The following CLSTN2 variants were observed in gnomAD, a reference collection of about 807,000 sequenced individuals.
The protein encoded by CLSTN2 is calsyntenin 2.
CLSTN2 carries 48 observed loss-of-function variants against 101.2 expected under a neutral mutation model. The observed-to-expected ratio is 0.47, with a 90% CI of 0.38 to 0.60. CLSTN2 has a LOEUF of 0.60. CLSTN2 is among the 20% of genes least tolerant of loss of function. The probability of loss-of-function intolerance (pLI) is 0.00; values close to 1 mark genes in which losing one functional copy is unlikely to be tolerated. For synonymous variants in CLSTN2, 481 were observed against 463.6 expected (o/e 1.04, Z -0.48); for missense variants, 1,160 against 1,238.2 (o/e 0.94, Z 0.95).
chr3:140,025,215 A>G (rs988308457), intron 1 of CLSTN2, among the ~76,000 whole-genome samples: 2 of 152,208 alleles, frequency 1.3e-5, no homozygotes, highest in Non-Finnish European at 2.9e-5. Context: ...TGGATACATC[A>G]GAAATGTGCT....
intron 1 of CLSTN2, among the ~76,000 whole-genome samples, chr3:139,983,855 C>T (rs1303674865): frequency 1.3e-5 from 2 of 152,088 alleles, no homozygotes; most frequent in Non-Finnish European, 2.9e-5. Flanking sequence ...ATTAACTTTG[C>T]ATATTTGTAA....
Position 140,563,126 on chromosome 3 carries a change from A to G in CLSTN2, c.2405A>G (p.Asn802Ser), listed in dbSNP as rs202199344. The change falls in exon 15 of 17, where the codon AAT (asparagine) becomes AGT (serine). Residue 802 changes from asparagine (N) to serine (S), a missense_variant. Asn to Ser is a conservative substitution (Grantham distance 46, BLOSUM62 1). Coordinates refer to ENST00000458420, the MANE Select transcript of CLSTN2 (RefSeq NM_022131.3). ...CAAGTCTCAGATAAGGAGCATGTCAATCATCTGATTGTGCAGCCTCCCTTC... is the reference window on the plus strand; with the variant it reads ...CAAGTCTCAGATAAGGAGCATGTCAGTCATCTGATTGTGCAGCCTCCCTTC... ...EDQVSDKEHVNHLIVQPPFLQ... is the reference protein window; with the variant it reads ...EDQVSDKEHVSHLIVQPPFLQ... 1.1e-5 allele frequency: 18 copies of G among 1,614,050 alleles called. No individual in the cohort carries two copies. The highest frequency in any genetic ancestry group is 8.0e-5 in the African/African-American group (6 of 75,014).
At chr3:140,466,873 C>A in intron 8 of CLSTN2, 142 bp downstream of exon 8, 2 of 1,088,938 alleles carry the variant, frequency 1.8e-6, no homozygotes, top group Non-Finnish European at 2.6e-6. Flanking sequence ...GGGAGACACA[C>A]AGCATCTTAA....
At chr3:140,525,936 C>T (rs771500650) in intron 8 of CLSTN2, among the ~76,000 whole-genome samples, 1 of 152,042 alleles carries the variant, frequency 6.6e-6, no homozygotes, top group South Asian at 2.1e-4. Context: ...ATATTAAAGG[C>T]CATCTATGAC....
chr3:139,971,164 A>C (rs1051009269), intron 1 of CLSTN2, among the ~76,000 whole-genome samples: 13 of 152,338 alleles, frequency 8.5e-5, no homozygotes, highest in African/African-American at 3.1e-4. Flanking sequence ...GTACTGTTAA[A>C]TGAAATGCCT....
chr3:140,011,258 G>T lies in CLSTN2; in HGVS notation c.109+75775G>T, dbSNP rs1452387602. ...TTGTCTACATAATGACAAGTATTGT[G>T]GTATCAGAGTTAGGCCTGTCACACC... On this transcript the variant is annotated intron_variant, in intron 1 of 16. Transcript: ENST00000458420. 3.3e-5 allele frequency among the ~76,000 whole-genome samples: 5 copies of T among 152,146 alleles called. 1 individual carries two copies. In the South Asian group the frequency reaches 6.2e-4, roughly 19 times the overall value.
chr3:140,401,974 G>A (rs144428492), intron 2 of CLSTN2, among the ~76,000 whole-genome samples: 22 of 152,246 alleles, frequency 1.4e-4, no homozygotes, highest in South Asian at 8.3e-4. Flanking sequence ...TCCATAACCT[G>A]TCTTGTCCAT....
intron 1 of CLSTN2, among the ~76,000 whole-genome samples, chr3:140,101,945 T>C (rs2008973028): frequency 6.6e-6 from 1 of 152,184 alleles, no homozygotes; most frequent in Non-Finnish European, 1.5e-5. Flanking sequence ...AGTACAGGGA[T>C]GTTTGGGGAA....
intron 2 of CLSTN2, among the ~76,000 whole-genome samples, chr3:140,204,972 G>T (rs2010761235): frequency 1.3e-5 from 2 of 152,154 alleles, no homozygotes; most frequent in Non-Finnish European, 2.9e-5. Flanking sequence ...TTCTTGAGGG[G>T]CTCAAATATG....
At chr3:140,296,276 A>G (rs942917168) in intron 2 of CLSTN2, among the ~76,000 whole-genome samples, 4 of 152,204 alleles carry the variant, frequency 2.6e-5, no homozygotes, top group African/African-American at 7.2e-5. Flanking sequence ...CTGAAAACCA[A>G]CCCGTTGGAA....
chr3:140,488,703 T>C (rs1009113510), intron 8 of CLSTN2, among the ~76,000 whole-genome samples: 1 of 137,260 alleles, frequency 7.3e-6, no homozygotes, highest in Non-Finnish European at 1.5e-5. Flanking sequence ...GAGCAGGGAG[T>C]ATACTGGCGA....
At chr3:139,944,314 G>A (rs1188539544) in intron 1 of CLSTN2, among the ~76,000 whole-genome samples, 1 of 152,200 alleles carries the variant, frequency 6.6e-6, no homozygotes, top group Non-Finnish European at 1.5e-5. Context: ...GCAAAGTGGA[G>A]CCACTTGAGA....
At chr3:140,321,765 G>T (rs1375136105) in intron 2 of CLSTN2, among the ~76,000 whole-genome samples, 1 of 152,100 alleles carries the variant, frequency 6.6e-6, no homozygotes, top group Non-Finnish European at 1.5e-5. Flanking sequence ...TTATCAGATT[G>T]TCCTCTCTGA....
intron 6 of CLSTN2, among the ~76,000 whole-genome samples, chr3:140,457,120 C>T (rs1269597811): frequency 1.3e-5 from 2 of 152,172 alleles, no homozygotes; most frequent in Non-Finnish European, 2.9e-5. Flanking sequence ...TAGACCCCAC[C>T]CTGCTTCCCC....
intron 1 of CLSTN2, among the ~76,000 whole-genome samples, chr3:140,117,785 A>G (rs559622460): frequency 2.6e-5 from 4 of 152,310 alleles, no homozygotes; most frequent in Non-Finnish European, 4.4e-5. Context: ...TGGGAAAACC[A>G]GGGAGGCAAA....
At chr3:140,450,859 C>T (rs913784987) in intron 6 of CLSTN2, among the ~76,000 whole-genome samples, 4 of 152,160 alleles carry the variant, frequency 2.6e-5, no homozygotes, top group African/African-American at 7.2e-5. Flanking sequence ...CCATTTTTCA[C>T]GTCACCAGGC....
At chr3:140,261,917 G>GT (rs2086657547) in intron 2 of CLSTN2, among the ~76,000 whole-genome samples, 1 of 152,098 alleles carries the variant, frequency 6.6e-6, no homozygotes, top group Non-Finnish European at 1.5e-5. Flanking sequence ...CTACCAAAAT[G>GT]TTTTTGGAGC....
chr3:139,946,337 T>C (rs1935213974), intron 1 of CLSTN2, among the ~76,000 whole-genome samples: 1 of 152,190 alleles, frequency 6.6e-6, no homozygotes, highest in African/African-American at 2.4e-5. Context: ...AAATTTCTGT[T>C]TTATTTAATA....
chr3:140,191,109 GT>G (rs1264116292), intron 2 of CLSTN2, among the ~76,000 whole-genome samples: 1 of 151,854 alleles, frequency 6.6e-6, no homozygotes, highest in Non-Finnish European at 1.5e-5. Context: ...TTTCTGTGAG[GT>G]TTTTTTAAAA....
Sources: allele counts gnomAD v4.1 joint callset (sites outside exome capture counted in the v4.1 genomes callset), GRCh38; gene constraint gnomAD v4.1.1; transcripts MANE v1.5; gene names NCBI Gene and HGNC (gene_info 2026-07-23, HGNC 2026-07-21).